The following TEK variants were observed in gnomAD, a reference collection of about 807,000 sequenced individuals.
TEK encodes the protein TEK receptor tyrosine kinase.
A neutral mutation model predicts 131.8 loss-of-function variants in TEK; 43 were observed. The ratio of observed to expected loss-of-function variants is 0.33; its 90% CI spans 0.26 to 0.42. The LOEUF (loss-of-function observed/expected upper bound fraction) is 0.42. Ranked by LOEUF, TEK falls within the 10% of genes least tolerant of loss-of-function variation. The pLI, the probability that TEK is intolerant of heterozygous loss-of-function variation, is 1.00. For synonymous variants in TEK, 580 were observed against 491.6 expected (o/e 1.18, Z -2.38); for missense variants, 1,162 against 1,384.4 (o/e 0.84, Z 2.55).
At chr9:27,176,711 A>G (rs1029768252) in intron 6 of TEK, among the ~76,000 whole-genome samples, 1 of 152,202 alleles carries the variant, frequency 6.6e-6, no homozygotes, top group Non-Finnish European at 1.5e-5. Context: ...GAGCATTTAA[A>G]ATTGCTCAGC....
At chr9:27,153,278 C>T (rs376851156) in intron 1 of TEK, among the ~76,000 whole-genome samples, 20 of 150,128 alleles carry the variant, frequency 1.3e-4, no homozygotes, top group African/African-American at 4.4e-4. Context: ...GAAACCCCGC[C>T]TCTACTAAAA....
intron 1 of TEK, among the ~76,000 whole-genome samples, chr9:27,144,171 A>G (rs993142072): frequency 6.6e-6 from 1 of 152,122 alleles, no homozygotes; most frequent in African/African-American, 2.4e-5. Flanking sequence ...AGTCCCAGCT[A>G]CTTGGGAGGC....
In TEK at chr9:27,183,602, G is replaced by C; in HGVS notation, c.1174G>C (p.Val392Leu). 6.2e-7 allele frequency: 1 copy of C among 1,613,888 alleles called. No individual in the cohort carries two copies. The highest frequency in any genetic ancestry group is 8.5e-7 in the Non-Finnish European group (1 of 1,179,816). Residue 392 changes from valine (V) to leucine (L), a missense_variant, in exon 8 of 23, where the codon GTG becomes CTG. Around this residue, in one of 6 missense-constraint regions of TEK, gnomAD observed 436 missense variants for 539.1 expected, o/e 0.81. Coordinates refer to ENST00000380036, the MANE Select transcript of TEK (RefSeq NM_000459.5). ...GACCCTGGTGAAGCCGGATGGGACA[G>C]TGCTCCATGTAAGAGCCATTCTTAA... ...EMTLVKPDGTVLHPKDFNHTD... is the reference protein window; with the variant it reads ...EMTLVKPDGTLLHPKDFNHTD...
chr9:27,222,634 A>T (rs1388291093), intron 21 of TEK, among the ~76,000 whole-genome samples: 1 of 152,190 alleles, frequency 6.6e-6, no homozygotes, highest in Non-Finnish European at 1.5e-5. Flanking sequence ...CTGAAGGAGA[A>T]ATAAATCCTT....
At chr9:27,195,625 T>C (rs1266599516) in intron 11 of TEK, 7 of 455,558 alleles carry the variant, frequency 1.5e-5, no homozygotes, top group African/African-American at 4.0e-5. Context: ...AATTTAAAAA[T>C]CAATTTACTA....
At chr9:27,226,892 C>A (rs1342163069) in intron 21 of TEK, among the ~76,000 whole-genome samples, 1 of 152,066 alleles carries the variant, frequency 6.6e-6, no homozygotes, top group South Asian at 2.1e-4. Flanking sequence ...CTGCAAGGCT[C>A]TAGGTTGAGC....
In TEK at chr9:27,203,032, T is replaced by C. The variant is rs755666325; in HGVS notation, c.2122T>C (p.Tyr708His). Reference sequence around the variant, plus strand: ...CAAGGGCCTAGAGCCTGAAACAGCATACCAGGTGGACATTTTTGCAGAGAA... The same window carrying C: ...CAAGGGCCTAGAGCCTGAAACAGCACACCAGGTGGACATTTTTGCAGAGAA... ...QLKGLEPETA[Y>H]QVDIFAENNI... The change falls in exon 13 of 23, where the codon TAC (tyrosine) becomes CAC (histidine). Residue 708 changes from tyrosine to histidine, a missense_variant. Tyr to His is a moderately conservative substitution (Grantham distance 83). Around this residue, in one of 6 missense-constraint regions of TEK, gnomAD observed 477 missense variants for 471.0 expected, o/e 1.01. Transcript: ENST00000380036. 2.7e-5 allele frequency: 44 copies of C among 1,614,000 alleles called. 1 individual carries two copies. The South Asian group carries it at 4.7e-4, about 17-fold the overall frequency.
rs989734069 is a variant in TEK, at chr9:27,137,948, A to G, written c.53-19883A>G. ...GTGTGTCCAGAGTTTGTTCCTTCAG[A>G]TGTGTCTGGAGTTTCTTCCTTCCAG... On this transcript the variant is annotated intron_variant, in intron 1 of 22. Coordinates refer to ENST00000380036, the MANE Select transcript of TEK (RefSeq NM_000459.5). 2.0e-5 allele frequency among the ~76,000 whole-genome samples: 3 copies of G among 151,992 alleles called. No individual in the cohort carries two copies. The East Asian group carries it at 5.8e-4, about 29-fold the overall frequency.
chr9:27,148,488 G>C (rs962885524), intron 1 of TEK, among the ~76,000 whole-genome samples: 1 of 152,210 alleles, frequency 6.6e-6, no homozygotes, highest in African/African-American at 2.4e-5. Context: ...TCCTCTAGCG[G>C]GTTAGTCTTG....
chr9:27,138,766 C>T (rs1034127383), intron 1 of TEK, among the ~76,000 whole-genome samples: 1 of 152,108 alleles, frequency 6.6e-6, no homozygotes, highest in Non-Finnish European at 1.5e-5. Context: ...ACAGATGGGT[C>T]CAACTTTTCG....
intron 1 of TEK, among the ~76,000 whole-genome samples, chr9:27,142,599 C>A (rs2131088247): frequency 6.6e-6 from 1 of 152,346 alleles, no homozygotes; most frequent in East Asian, 1.9e-4. Context: ...ATTTTAGATT[C>A]ATAGTCTTAC....
intron 18 of TEK, among the ~76,000 whole-genome samples, chr9:27,215,701 T>A (rs1200495163): frequency 2.0e-5 from 3 of 152,176 alleles, no homozygotes; most frequent in Non-Finnish European, 4.4e-5. Context: ...TAGTACAATG[T>A]TTCATGCTTG....
intron 16 of TEK, among the ~76,000 whole-genome samples, chr9:27,211,398 G>T (rs1587023436): frequency 1.6e-5 from 2 of 127,666 alleles, no homozygotes; most frequent in African/African-American, 6.0e-5. Context: ...TTTCTTTTTT[G>T]CTAGAATTTC....
chr9:27,163,690 G>T (rs1823624294), intron 2 of TEK, among the ~76,000 whole-genome samples: 1 of 152,166 alleles, frequency 6.6e-6, no homozygotes, highest in South Asian at 2.1e-4. Flanking sequence ...TAGGCCTTGG[G>T]TAAGGGACTT....
chr9:27,206,770 T>C lies in TEK; in HGVS notation c.2553T>C (p.Asp851=), dbSNP rs1407729192. ...ARIKKDGLRM[D]AAIKRMKEYA... is the part of the protein sequence containing the mutation. Reference sequence around the variant, plus strand: ...TCAAGAAGGATGGGTTACGGATGGATGCTGCCATCAAAAGAATGAAAGGTC... The same window carrying C: ...TCAAGAAGGATGGGTTACGGATGGACGCTGCCATCAAAAGAATGAAAGGTC... Residue 851 remains aspartate, a synonymous_variant, in exon 15 of 23, where the codon GAT becomes GAC. Coordinates refer to ENST00000380036, the MANE Select transcript of TEK (RefSeq NM_000459.5). 6.2e-7 allele frequency: 1 copy of C among 1,614,058 alleles called. No individual in the cohort carries two copies. Among genetic ancestry groups the C allele is most frequent in the Non-Finnish European group, 8.5e-7 (1 of 1,179,970 alleles).
intron 12 of TEK, among the ~76,000 whole-genome samples, chr9:27,202,088 G>C (rs1444534909): frequency 6.6e-6 from 1 of 152,168 alleles, no homozygotes; most frequent in African/African-American, 2.4e-5. Flanking sequence ...TTTAGAGTTT[G>C]AGTGAGAATG....
Position 27,190,635 on chromosome 9 carries a change from C to T in TEK, c.1434C>T (p.Ser478=). The part of the protein sequence containing the change: ...EPYFGDGPIK[S]KKLLYKPVNH... ...ACTTTGGGGATGGACCAATCAAATC[C>T]AAGAAGCTTCTATACAAACCCGTTA... Residue 478 remains serine, a synonymous_variant, in exon 10 of 23, where the codon TCC becomes TCT. Coordinates refer to ENST00000380036, the MANE Select transcript of TEK (RefSeq NM_000459.5). 2.5e-6 allele frequency: 4 copies of T among 1,614,010 alleles called. No homozygotes were observed. The South Asian group carries it at 3.3e-5, about 13-fold the overall frequency.
rs764931398 is a variant in TEK, at chr9:27,158,163, G to A, written c.364+21G>A. The A allele has an allele frequency of 4.3e-6, 7 of 1,613,664 alleles. No individual in the cohort carries two copies. The African/African-American group carries it at 9.3e-5, about 22-fold the overall frequency. On this transcript the variant is annotated intron_variant, in intron 2 of 22. Coordinates refer to ENST00000380036, the MANE Select transcript of TEK (RefSeq NM_000459.5). ...ACAAGGTAACATGCCCCTAAGTTTT[G>A]GGCAGGTGAGGCCCACTGAGGAACA...
intron 1 of TEK, among the ~76,000 whole-genome samples, chr9:27,122,968 G>A (rs893345380): frequency 7.1e-6 from 1 of 141,086 alleles, no homozygotes; most frequent in Non-Finnish European, 1.5e-5. Flanking sequence ...CAGGAGAATC[G>A]CTTCAACCTG....
Sources: allele counts gnomAD v4.1 joint callset (sites outside exome capture counted in the v4.1 genomes callset), GRCh38; gene constraint gnomAD v4.1.1; regional missense constraint gnomAD v4.1.1; transcripts MANE v1.5; gene names NCBI Gene and HGNC (gene_info 2026-07-23, HGNC 2026-07-21).